The following RBFOX1 variants were observed in gnomAD, a reference collection of about 807,000 sequenced individuals.
The protein encoded by RBFOX1 is RNA binding protein fox-1 homolog 1.
A neutral mutation model predicts 57.7 loss-of-function variants in RBFOX1; 8 were observed. That is an observed-to-expected ratio of 0.14 (90% confidence interval 0.08 to 0.25). The LOEUF is 0.25. RBFOX1 is among the 10% of genes least tolerant of loss of function. The probability of loss-of-function intolerance (pLI) is 1.00; values close to 1 mark genes in which losing one functional copy is unlikely to be tolerated. For synonymous variants in RBFOX1, 326 were observed against 222.4 expected (o/e 1.47, Z -4.15); for missense variants, 611 against 548.5 (o/e 1.11, Z -1.14).
At chr16:7,115,070 T>C (rs2065592459) in intron 4 of RBFOX1, among the ~76,000 whole-genome samples, 1 of 152,228 alleles carries the variant, frequency 6.6e-6, no homozygotes, top group Non-Finnish European at 1.5e-5. Context: ...GTTTGAAAAA[T>C]ATTCCAAAGC....
chr16:6,236,980 A>G (rs1057401670), intron 1 of RBFOX1, among the ~76,000 whole-genome samples: 1 of 152,152 alleles, frequency 6.6e-6, no homozygotes, highest in Non-Finnish European at 1.5e-5. Context: ...ACAATATTCT[A>G]TTTCATCTCT....
chr16:7,614,797 T>G (rs551989031), intron 10 of RBFOX1: 1 of 152,220 alleles, frequency 6.6e-6, no homozygotes, highest in Non-Finnish European at 1.5e-5. Flanking sequence ...TCTCCTCAAA[T>G]CCTTATGAAA....
intron 3 of RBFOX1, among the ~76,000 whole-genome samples, chr16:6,943,733 C>T (rs1021798754): frequency 2.7e-5 from 4 of 150,394 alleles, no homozygotes; most frequent in South Asian, 2.1e-4. Flanking sequence ...AAAAAGTATT[C>T]GCCTGTAACA....
chr16:6,022,290 T>C (rs1012659780), intron 1 of RBFOX1, among the ~76,000 whole-genome samples: 16 of 152,022 alleles, frequency 1.1e-4, no homozygotes, highest in African/African-American at 3.9e-4. Context: ...ATTTATTTAA[T>C]ACATAGAATA....
chr16:6,072,033 A>G (rs1281408832), intron 1 of RBFOX1, among the ~76,000 whole-genome samples: 1 of 152,202 alleles, frequency 6.6e-6, no homozygotes, highest in African/African-American at 2.4e-5. Flanking sequence ...GGTAACTTAC[A>G]AAGGAAAAGA....
At chr16:7,202,912 C>T (rs531107959) in intron 4 of RBFOX1, among the ~76,000 whole-genome samples, 5 of 151,916 alleles carry the variant, frequency 3.3e-5, no homozygotes, top group South Asian at 2.1e-4. Context: ...TTTTTGAGAC[C>T]GAGTCTCACT....
chr16:7,134,095 C>G (rs1013065739), intron 4 of RBFOX1, among the ~76,000 whole-genome samples: 1 of 152,120 alleles, frequency 6.6e-6, no homozygotes, highest in Non-Finnish European at 1.5e-5. Context: ...GTTTGTTATG[C>G]TGTATAAAAT....
At chr16:5,971,228 G>A (rs2059955839) in intron 4 of RBFOX1, among the ~76,000 whole-genome samples, 1 of 152,222 alleles carries the variant, frequency 6.6e-6, no homozygotes, top group East Asian at 1.9e-4. Context: ...TTATATCACA[G>A]TGGTGAGGAT....
chr16:6,416,558 G>T (rs1478153494), intron 2 of RBFOX1, among the ~76,000 whole-genome samples: 2 of 152,118 alleles, frequency 1.3e-5, no homozygotes, highest in Non-Finnish European at 2.9e-5. Flanking sequence ...CTCAGAAACA[G>T]ATAAGAAAGA....
Position 5,761,409 on chromosome 16 carries a change from G to C in RBFOX1, c.319-105894G>C, listed in dbSNP as rs542818242. On this transcript the variant is annotated intron_variant, in intron 3 of 19. Coordinates refer to the RBFOX1 transcript ENST00000641259. Reference sequence around the variant, plus strand: ...TGTTCATAGAGTCTTTGTATTAGCTGTTCTCTTTCTGCTAATAAAGACATA... The same window carrying C: ...TGTTCATAGAGTCTTTGTATTAGCTCTTCTCTTTCTGCTAATAAAGACATA... Among the ~76,000 whole-genome samples, 9 of 152,282 alleles carry C rather than the reference G, an allele frequency of 5.9e-5. No individual in the cohort carries two copies. The East Asian group carries it at 1.3e-3, about 23-fold the overall frequency.
chr16:5,896,839 A>C (rs892373182), intron 4 of RBFOX1, among the ~76,000 whole-genome samples: 1 of 152,076 alleles, frequency 6.6e-6, no homozygotes, highest in African/African-American at 2.4e-5. Context: ...TGAAGCATCA[A>C]CAGCATCACT....
chr16:5,789,740 G>C (rs531345020), intron 3 of RBFOX1, among the ~76,000 whole-genome samples: 1 of 152,142 alleles, frequency 6.6e-6, no homozygotes, highest in Admixed American at 6.5e-5. Context: ...TCTGCCATAA[G>C]TTCCCAGGCT....
At chr16:5,843,250 C>T (rs747724524) in intron 3 of RBFOX1, among the ~76,000 whole-genome samples, 3 of 152,202 alleles carry the variant, frequency 2.0e-5, no homozygotes, top group South Asian at 2.1e-4. Flanking sequence ...TACTAAGCCT[C>T]GGACCCAATA....
chr16:6,999,836 C>T (rs943454888), intron 3 of RBFOX1, among the ~76,000 whole-genome samples: 2 of 152,026 alleles, frequency 1.3e-5, no homozygotes, highest in Admixed American at 6.6e-5. Context: ...TTTTGGGAGG[C>T]TGAGGTGAGC....
rs1567632454 is a variant in RBFOX1, at chr16:5,856,597, ATATATAT to A, written c.319-10705_319-10699del. On this transcript the variant is annotated intron_variant, in intron 3 of 19. Coordinates refer to the RBFOX1 transcript ENST00000641259. ...TGTGTATATATATATATATATATAT[ATATATAT>A]AATCTTAGCCAGATCTTCTGGATAA... 1.4e-4 allele frequency among the ~76,000 whole-genome samples: 15 copies of A among 105,388 alleles called. 1 individual carries two copies. Among genetic ancestry groups the A allele is most frequent in the East Asian group, 2.9e-4 (1 of 3,396 alleles). The allele number at this position is 105,388 out of a possible 152,430, so 69.1% of individuals were successfully genotyped here. A position where few individuals can be genotyped will look rare whatever the true frequency, so the allele number is the denominator to read the frequency against.
chr16:6,865,048 G>T (rs2059683870), intron 3 of RBFOX1, among the ~76,000 whole-genome samples: 1 of 127,110 alleles, frequency 7.9e-6, no homozygotes, highest in Non-Finnish European at 1.5e-5. Context: ...TGTCACCCAG[G>T]CTGGAGTGCA....
At chr16:6,560,308 C>T (rs1376787070) in intron 2 of RBFOX1, among the ~76,000 whole-genome samples, 1 of 147,868 alleles carries the variant, frequency 6.8e-6, no homozygotes, top group Admixed American at 7.1e-5. Context: ...AAAAGAAAAC[C>T]AAAACAGAAA....
At chr16:7,324,837 G>C (rs2096590958) in intron 4 of RBFOX1, among the ~76,000 whole-genome samples, 1 of 151,604 alleles carries the variant, frequency 6.6e-6, no homozygotes, top group South Asian at 2.1e-4. Flanking sequence ...GATTCTTTAA[G>C]TTACTTCTGA....
chr16:6,587,497 G>A (rs1046283958), intron 2 of RBFOX1, among the ~76,000 whole-genome samples: 2 of 152,082 alleles, frequency 1.3e-5, no homozygotes, highest in African/African-American at 4.8e-5. Flanking sequence ...GGCCAGGGTG[G>A]TCTTGAACTC....
Sources: allele counts gnomAD v4.1 joint callset (sites outside exome capture counted in the v4.1 genomes callset), GRCh38; gene constraint gnomAD v4.1.1; transcripts MANE v1.5; gene names NCBI Gene and HGNC (gene_info 2026-07-23, HGNC 2026-07-21).